Variants in FARS2 observed in about 807,000 individuals in gnomAD.
FARS2 encodes the protein phenylalanine--tRNA ligase, mitochondrial.
Under a neutral mutation model 46.4 loss-of-function variants are expected in FARS2, and 40 were observed. The ratio of observed to expected loss-of-function variants is 0.86; its 90% CI spans 0.67 to 1.12. The LOEUF is 1.12. FARS2 is among the 50% of genes most tolerant of loss of function. The pLI, the probability that FARS2 is intolerant of heterozygous loss-of-function variation, is 0.00. For missense variants in FARS2, 513 were observed against 567.9 expected (o/e 0.90, Z 0.98); for synonymous variants, 234 against 214.9 (o/e 1.09, Z -0.78).
chr6:5,547,291 A>G (rs943955371), intron 5 of FARS2, among the ~76,000 whole-genome samples: 1 of 151,764 alleles, frequency 6.6e-6, no homozygotes, highest in African/African-American at 2.4e-5. Flanking sequence ...GTTAATTCCA[A>G]CCATTTGATT....
At chr6:5,460,567 G>C (rs1165224499) in intron 4 of FARS2, among the ~76,000 whole-genome samples, 1 of 152,124 alleles carries the variant, frequency 6.6e-6, no homozygotes, top group East Asian at 1.9e-4. Context: ...CTGCCACTTT[G>C]GGATGGGAGG....
At chr6:5,326,606 G>C (rs997461144) in intron 1 of FARS2, among the ~76,000 whole-genome samples, 7 of 152,184 alleles carry the variant, frequency 4.6e-5, no homozygotes, top group Non-Finnish European at 8.8e-5. Flanking sequence ...TGTCACCTTC[G>C]TTAAAGCTTC....
intron 6 of FARS2, among the ~76,000 whole-genome samples, chr6:5,753,788 C>T (rs1012027906): frequency 6.6e-6 from 1 of 152,158 alleles, no homozygotes; most frequent in Non-Finnish European, 1.5e-5. Flanking sequence ...GAGAGAGACT[C>T]ACCGGCCATT....
intron 1 of FARS2, among the ~76,000 whole-genome samples, chr6:5,349,243 A>G (rs536218918): frequency 6.6e-6 from 1 of 152,216 alleles, no homozygotes; most frequent in Non-Finnish European, 1.5e-5. Context: ...ATCACTCTCA[A>G]GGAAATGAAA....
At chr6:5,506,902 C>T (rs753260035) in intron 4 of FARS2, among the ~76,000 whole-genome samples, 2 of 152,198 alleles carry the variant, frequency 1.3e-5, no homozygotes, top group Non-Finnish European at 2.9e-5. Flanking sequence ...CAGAGAGAGG[C>T]TAAGAGGCTA....
At chr6:5,543,514 G>A (rs775763100) in intron 4 of FARS2, among the ~76,000 whole-genome samples, 5 of 151,774 alleles carry the variant, frequency 3.3e-5, no homozygotes, top group African/African-American at 4.8e-5. Flanking sequence ...ACAGGCACAC[G>A]CCACCATGCC....
At position 5,618,519 on chromosome 6, in the gene FARS2, A is replaced by G. The variant is rs368726120; in HGVS notation, c.1217+5199A>G. Among the ~76,000 whole-genome samples the G allele has an allele frequency of 3.9e-5, 6 of 152,350 alleles. No homozygotes were observed. The East Asian group carries it at 9.6e-4, about 24-fold the overall frequency. ...AAAGTCGTTAGACACGTTGCATGTT[A>G]TTTTCTGAACAAAAACAGATCCCAA... On this transcript the variant is annotated intron_variant, in intron 6 of 6. Transcript: ENST00000274680.
intron 1 of FARS2, among the ~76,000 whole-genome samples, chr6:5,266,412 TC>T (rs1333089977): frequency 1.3e-5 from 2 of 152,062 alleles, no homozygotes; most frequent in East Asian, 3.8e-4. Context: ...ACATCTGTAA[TC>T]CCAGCACTGT....
intron 4 of FARS2, chr6:5,451,890 C>T (rs891316675): frequency 6.6e-6 from 1 of 152,190 alleles, no homozygotes; most frequent in African/African-American, 2.4e-5. Flanking sequence ...AGTCCGACAA[C>T]TCATTTCCCA....
intron 5 of FARS2, among the ~76,000 whole-genome samples, chr6:5,595,525 C>A (rs183064736): frequency 5.9e-5 from 9 of 152,272 alleles, no homozygotes; most frequent in Admixed American, 1.3e-4. Context: ...TTGGTTATTT[C>A]CACTGTGCGC....
chr6:5,467,526 A>C (rs1405505344), intron 4 of FARS2, among the ~76,000 whole-genome samples: 1 of 152,320 alleles, frequency 6.6e-6, no homozygotes, highest in African/African-American at 2.4e-5. Context: ...TTCTTAGTCA[A>C]CGTTGCTATA....
chr6:5,258,083 G>C (rs533154619), upstream of FARS2, among the ~76,000 whole-genome samples: 3 of 152,324 alleles, frequency 2.0e-5, no homozygotes, highest in Admixed American at 1.3e-4. Flanking sequence ...AACAGTACTT[G>C]TAAAGGCCTG....
chr6:5,402,941 C>T (rs1761348203), intron 2 of FARS2, among the ~76,000 whole-genome samples: 1 of 152,126 alleles, frequency 6.6e-6, no homozygotes, highest in Non-Finnish European at 1.5e-5. Context: ...TTTTTTCCAG[C>T]TTGCTCTTGC....
intron 6 of FARS2, among the ~76,000 whole-genome samples, chr6:5,756,683 C>CA (rs892472914): frequency 1.3e-5 from 2 of 152,078 alleles, no homozygotes; most frequent in African/African-American, 2.4e-5. Context: ...GACAAAGAGT[C>CA]AAAAAAATCA....
chr6:5,634,570 C>T (rs376508322), intron 6 of FARS2, among the ~76,000 whole-genome samples: 1 of 152,312 alleles, frequency 6.6e-6, no homozygotes, highest in East Asian at 1.9e-4. Context: ...GCTATCCTCC[C>T]ACCTTCACCT....
chr6:5,528,907 C>T (rs1207988578), intron 4 of FARS2, among the ~76,000 whole-genome samples: 1 of 152,126 alleles, frequency 6.6e-6, no homozygotes, highest in Admixed American at 6.5e-5. Context: ...TGGAAGCTGA[C>T]CTGCTAAGGA....
At chr6:5,460,812 A>G (rs935875137) in intron 4 of FARS2, among the ~76,000 whole-genome samples, 1 of 152,126 alleles carries the variant, frequency 6.6e-6, no homozygotes, top group Non-Finnish European at 1.5e-5. Context: ...ACTTGAGTAC[A>G]TCTAATTGGA....
intron 4 of FARS2, among the ~76,000 whole-genome samples, chr6:5,451,105 T>G (rs1334248970): frequency 1.3e-5 from 2 of 152,206 alleles, no homozygotes; most frequent in Admixed American, 1.3e-4. Context: ...GCTTTCATTC[T>G]GAACTTTTTG....
chr6:5,438,786 C>G (rs1763679034), intron 4 of FARS2, among the ~76,000 whole-genome samples: 1 of 152,208 alleles, frequency 6.6e-6, no homozygotes, highest in African/African-American at 2.4e-5. Flanking sequence ...ATGTGCATCT[C>G]TTAATGGGCA....
Sources: gnomAD v4.1 joint callset for allele counts (sites outside exome capture counted in the v4.1 genomes callset) on GRCh38, gnomAD v4.1.1 for gene constraint, MANE v1.5 for transcripts, NCBI Gene and HGNC (gene_info 2026-07-23, HGNC 2026-07-21) for gene names.